AP1AR: variants seen among roughly 807,000 people sequenced by gnomAD.
AP1AR encodes AP-1 complex-associated regulatory protein.
In AP1AR, 29 loss-of-function variants were observed where a neutral mutation model predicts 46.3. That is an observed-to-expected ratio of 0.63 (90% CI 0.47 to 0.85). AP1AR has a LOEUF of 0.85. Ranked by LOEUF, AP1AR falls within the 40% of genes least tolerant of loss-of-function variation. The pLI, the probability that AP1AR is intolerant of heterozygous loss-of-function variation, is 0.00. For missense variants in AP1AR, 357 were observed against 356.3 expected (o/e 1.00, Z -0.02); for synonymous variants, 122 against 122.9 (o/e 0.99, Z 0.05).
At chr4:112,260,716 C>T (rs754054638) in intron 4 of AP1AR, 50 bp from the exon 5 acceptor site, 1 of 1,217,098 alleles carries the variant, frequency 8.2e-7, no homozygotes, top group Admixed American at 2.5e-5. Flanking sequence ...GACTTAGACT[C>T]ATCAGAAGTT....
chr4:112,237,774 C>A (rs978843011), intron 1 of AP1AR, among the ~76,000 whole-genome samples: 1 of 152,102 alleles, frequency 6.6e-6, no homozygotes, highest in South Asian at 2.1e-4. Flanking sequence ...GATATTCCTT[C>A]TTTTTTTAGT....
At chr4:112,251,394 G>A (rs533406029) in intron 1 of AP1AR, among the ~76,000 whole-genome samples, 11 of 152,304 alleles carry the variant, frequency 7.2e-5, no homozygotes, top group African/African-American at 2.6e-4. Flanking sequence ...ACTAGAACAT[G>A]GTGTTCTGCC....
rs1277932060 is a variant in AP1AR, at chr4:112,231,942, C to A, written c.-150C>A. The A allele has an allele frequency of 1.7e-6, 1 of 587,166 alleles. No individual in the cohort carries two copies. Among genetic ancestry groups the A allele is most frequent in the African/African-American group, 1.9e-5 (1 of 51,850 alleles). 36.4% of individuals were successfully genotyped at this position (587,166 alleles called of 1,614,324 possible). On this transcript the variant is annotated 5_prime_UTR_variant, in exon 1 of 10. Coordinates refer to ENST00000274000, the MANE Select transcript of AP1AR (RefSeq NM_018569.6). Reference sequence around the variant, plus strand: ...TCCCTAGCGCCTCGTCTTTCGTCGCCCCGTGCCCTCACGCCGCCGGGCTCT... The same window carrying A: ...TCCCTAGCGCCTCGTCTTTCGTCGCACCGTGCCCTCACGCCGCCGGGCTCT...
chr4:112,241,240 T>C (rs1725484949), intron 1 of AP1AR, among the ~76,000 whole-genome samples: 1 of 152,100 alleles, frequency 6.6e-6, no homozygotes, highest in South Asian at 2.1e-4. Flanking sequence ...TTATTATTAC[T>C]ACCTGTATTA....
intron 5 of AP1AR, 30 bp from the exon 6 acceptor site, chr4:112,262,958 G>C: frequency 6.5e-7 from 1 of 1,526,842 alleles, no homozygotes; most frequent in Non-Finnish European, 9.1e-7. Flanking sequence ...TCTGATTTTT[G>C]TTAATCCTTA....
intron 1 of AP1AR, among the ~76,000 whole-genome samples, chr4:112,237,882 T>C (rs1725322132): frequency 6.6e-6 from 1 of 152,158 alleles, no homozygotes; most frequent in Non-Finnish European, 1.5e-5. Context: ...CCTGAGGAAA[T>C]AATATTTTCT....
At chr4:112,265,848 G>A (rs368520661) in intron 8 of AP1AR, 41 bp downstream of exon 8, 3 of 1,293,182 alleles carry the variant, frequency 2.3e-6, no homozygotes, top group Non-Finnish European at 3.3e-6. Context: ...TTATGCCACA[G>A]TAAACAGATA....
intron 5 of AP1AR, among the ~76,000 whole-genome samples, chr4:112,262,183 G>A (rs945941337): frequency 7.9e-5 from 12 of 151,222 alleles, no homozygotes; most frequent in Admixed American, 1.3e-4. Context: ...GGGTGGTGGC[G>A]CACGCCTGTA....
At chr4:112,249,606 G>A (rs981985021) in intron 1 of AP1AR, among the ~76,000 whole-genome samples, 1 of 150,256 alleles carries the variant, frequency 6.7e-6, no homozygotes, top group Non-Finnish European at 1.5e-5. Flanking sequence ...GCAGTGAGTC[G>A]AGATCCAGCC....
At chr4:112,239,478 C>CT (rs769229651) in intron 1 of AP1AR, among the ~76,000 whole-genome samples, 1 of 152,172 alleles carries the variant, frequency 6.6e-6, no homozygotes, top group Non-Finnish European at 1.5e-5. Context: ...CTGTTAGACT[C>CT]TTCTCACACT....
At position 112,268,618 on chromosome 4, in the gene AP1AR, A is replaced by G. The variant is rs1243380980; in HGVS notation, c.*209A>G. ...TTCATCATCTGCCTTCTGCTTTTCA[A>G]GACCAATTTAATGGTCCTGTCATGT... On this transcript the variant is annotated 3_prime_UTR_variant, in exon 10 of 10. Transcript: ENST00000274000. 3 of 418,266 alleles carry G rather than the reference A, an allele frequency of 7.2e-6. No individual in the cohort carries two copies. The highest frequency in any genetic ancestry group is 1.2e-5 in the Non-Finnish European group (3 of 243,066). 25.9% of individuals were successfully genotyped at this position (418,266 alleles called of 1,614,324 possible). A position where few individuals can be genotyped will look rare whatever the true frequency, so the allele number is the denominator to read the frequency against.
At position 112,260,792 on chromosome 4, in the gene AP1AR, A is replaced by G; in HGVS notation, c.212A>G (p.Asp71Gly). 1 of 1,600,938 alleles carries G rather than the reference A, an allele frequency of 6.2e-7. No homozygotes were observed. Among genetic ancestry groups the G allele is most frequent in the East Asian group, 2.2e-5 (1 of 44,632 alleles). Residue 71 changes from aspartate to glycine, a missense_variant, in exon 5 of 10, where the codon GAC becomes GGC. Asp to Gly is a moderately conservative substitution (Grantham distance 94, BLOSUM62 -1). Around this residue, in one of 2 missense-constraint regions of AP1AR, gnomAD observed 269 missense variants for 223.6 expected, o/e 1.20. Transcript: ENST00000274000. The stretch of plus-strand genomic sequence containing the variant: ...CCTCTTACTGAGGAAGAAATTGTTG[A>G]CCTAAGAGAAAGGCATTATGATTCC... ...HRPLTEEEIV[D>G]LRERHYDSIA...
At chr4:112,232,589 A>G (rs1161247156) in intron 1 of AP1AR, among the ~76,000 whole-genome samples, 3 of 152,228 alleles carry the variant, frequency 2.0e-5, no homozygotes, top group Non-Finnish European at 4.4e-5. Context: ...CTGGCAGAGC[A>G]GGTGGGATCT....
Position 112,271,234 on chromosome 4 carries a change from G to A in AP1AR, c.*2825G>A, listed in dbSNP as rs1182576248. ...ATCCTCCATGGCAAGATAGGCCATC[G>A]TAAAGGAGCTGTCAAAGGGCCATTT... On this transcript the variant is annotated 3_prime_UTR_variant, in exon 10 of 10. Transcript: ENST00000274000. Among the ~76,000 whole-genome samples the A allele has an allele frequency of 6.6e-6, 1 of 152,196 alleles. No individual in the cohort carries two copies.
intron 4 of AP1AR, among the ~76,000 whole-genome samples, chr4:112,258,727 A>G (rs551385481): frequency 6.6e-6 from 1 of 152,338 alleles, no homozygotes; most frequent in South Asian, 2.1e-4. Context: ...AGTGTTATGT[A>G]TCTTGCTTCC....
intron 8 of AP1AR, among the ~76,000 whole-genome samples, chr4:112,266,237 C>T (rs1274393883): frequency 6.6e-6 from 1 of 151,626 alleles, no homozygotes; most frequent in Non-Finnish European, 1.5e-5. Context: ...GGTAGTGGTT[C>T]CTTTTGAAAA....
intron 1 of AP1AR, among the ~76,000 whole-genome samples, chr4:112,251,260 T>G (rs540268314): frequency 6.6e-6 from 1 of 152,336 alleles, no homozygotes; most frequent in South Asian, 2.1e-4. Context: ...CAGAGTCATG[T>G]GAGGACGTGA....
rs1560615388 is a variant in AP1AR, at chr4:112,268,221, A to G, written c.721A>G (p.Asn241Asp). ...TCTACGGGCAGCACTTAAGTATAGC[A>G]ACAAGAAGACTGGAAGTAATCCTAC... ...DILRAALKYS[N>D]KKTGSNPTSA... is the part of the protein sequence containing the mutation. Residue 241 changes from asparagine (N) to aspartate (D), a missense_variant, in exon 10 of 10, where the codon AAC becomes GAC. Around this residue, in one of 2 missense-constraint regions of AP1AR, gnomAD observed 88 missense variants for 132.7 expected, o/e 0.66. Transcript: ENST00000274000. 6.2e-7 allele frequency: 1 copy of G among 1,612,732 alleles called. No individual in the cohort carries two copies. Among genetic ancestry groups the G allele is most frequent in the Non-Finnish European group, 8.5e-7 (1 of 1,179,152 alleles).
chr4:112,232,268 T>C (rs1287084734), intron 1 of AP1AR, 94 bp downstream of exon 1: 9 of 1,128,688 alleles, frequency 8.0e-6, no homozygotes, highest in Non-Finnish European at 9.0e-6. Flanking sequence ...CGGCTGGAGG[T>C]GGCGGTCGAG....
Sources: gnomAD v4.1 joint callset for allele counts (sites outside exome capture counted in the v4.1 genomes callset) on GRCh38, gnomAD v4.1.1 for gene constraint, gnomAD v4.1.1 regional missense constraint, MANE v1.5 for transcripts, NCBI Gene and HGNC (gene_info 2026-07-23, HGNC 2026-07-21) for gene names.